Variants in EFEMP1 observed in about 807,000 individuals in gnomAD.
The protein encoded by EFEMP1 is EGF-like fibulin extracellular matrix protein 1.
A neutral mutation model predicts 65.7 loss-of-function variants in EFEMP1; 18 were observed. The observed-to-expected ratio is 0.27, with a 90% confidence interval of 0.19 to 0.41. The LOEUF (loss-of-function observed/expected upper bound fraction) is 0.41, where lower values mean the gene tolerates loss of function less well. Ranked by LOEUF, EFEMP1 falls within the 10% of genes least tolerant of loss-of-function variation. The pLI is 1.00. For synonymous variants in EFEMP1, 237 were observed against 219.7 expected, an observed-to-expected ratio of 1.08 and a Z score of -0.70; for missense variants, 469 against 624.8, an observed-to-expected ratio of 0.75 and a Z score of 2.66.
intron 5 of EFEMP1, among the ~76,000 whole-genome samples, chr2:55,913,514 T>A (rs1267413661): frequency 6.6e-6 from 1 of 152,176 alleles, no homozygotes; most frequent in Non-Finnish European, 1.5e-5. Context: ...AAATGCCATG[T>A]GTTTTAATTT....
intron 4 of EFEMP1, 42 bp from the exon 5 acceptor site, chr2:55,918,093 G>A (rs751784953): frequency 6.2e-7 from 1 of 1,613,956 alleles, no homozygotes; most frequent in African/African-American, 1.3e-5. Context: ...TTCTAAGAGG[G>A]AAAAATCAAA....
At chr2:55,912,467 C>T (rs544386766) in intron 5 of EFEMP1, among the ~76,000 whole-genome samples, 1 of 152,068 alleles carries the variant, frequency 6.6e-6, no homozygotes, top group Non-Finnish European at 1.5e-5. Flanking sequence ...GAAAGATATC[C>T]CTAGCATCTG....
At position 55,922,860 on chromosome 2, in the gene EFEMP1, C is replaced by T. The variant is rs1670953725; in HGVS notation, c.-8+39G>A. ...GGGATGGAGGTGGGGCTGCAAAACT[C>T]TGTTCTCTAGAACGTTAAGGCTTTC... On this transcript the variant is annotated intron_variant, in intron 2 of 11. Transcript: ENST00000355426. This position sits in a 1 kb window ranked among gnomAD's most constrained non-coding sequence, Gnocchi z 5.5. 1 of 1,160,078 alleles carries T rather than the reference C, an allele frequency of 8.6e-7. No individual in the cohort carries two copies. Among genetic ancestry groups the T allele is most frequent in the Admixed American group, 4.0e-5 (1 of 25,250 alleles). 71.9% of individuals were successfully genotyped at this position (1,160,078 alleles called of 1,614,324 possible). A position where few individuals can be genotyped will look rare whatever the true frequency, so the allele number is the denominator to read the frequency against.
Position 55,917,260 on chromosome 2 carries a change from G to A in EFEMP1, c.517+405C>T, listed in dbSNP as rs568973173. Among the ~76,000 whole-genome samples the A allele has an allele frequency of 2.0e-5, 3 of 152,270 alleles. No homozygotes were observed. The South Asian group carries it at 6.2e-4, about 32-fold the overall frequency. On this transcript the variant is annotated intron_variant, in intron 5 of 11. Coordinates refer to ENST00000355426, the MANE Select transcript of EFEMP1 (RefSeq NM_001039348.3). The surrounding 1 kb of genome is among the most constrained non-coding windows in gnomAD (Gnocchi z 6.3). Reference sequence around the variant, plus strand: ...CTTCCTGGGTTGGAAGGTCAGCTCTGCACTTAGCACCTGTGTGACCTCTGG... The same window carrying A: ...CTTCCTGGGTTGGAAGGTCAGCTCTACACTTAGCACCTGTGTGACCTCTGG...
intron 3 of EFEMP1, among the ~76,000 whole-genome samples, chr2:55,920,240 G>A (rs1168693960): frequency 6.6e-6 from 1 of 152,232 alleles, no homozygotes; most frequent in East Asian, 1.9e-4. Flanking sequence ...CCAGCACAGA[G>A]TTCTGTCTCC....
At chr2:55,914,473 T>C (rs1307554960) in intron 5 of EFEMP1, among the ~76,000 whole-genome samples, 5 of 152,226 alleles carry the variant, frequency 3.3e-5, no homozygotes. Context: ...TTAAAGGATA[T>C]ATTTATAAAA....
chr2:55,920,627 T>C (rs1558492103), intron 3 of EFEMP1, among the ~76,000 whole-genome samples: 4 of 152,224 alleles, frequency 2.6e-5, no homozygotes, highest in Admixed American at 6.5e-5. Context: ...ACTTGCAATT[T>C]GTTTTAGGTA....
intron 5 of EFEMP1, among the ~76,000 whole-genome samples, chr2:55,891,123 A>G (rs984901080): frequency 2.6e-5 from 4 of 152,088 alleles, no homozygotes; most frequent in African/African-American, 4.8e-5. Context: ...GATCTTGACC[A>G]TGTATTTCCA....
At position 55,870,637 on chromosome 2, in the gene EFEMP1, A is replaced by T; in HGVS notation, c.1320+83T>A. 1 of 1,535,836 alleles carries T rather than the reference A, an allele frequency of 6.5e-7. No homozygotes were observed. The highest frequency in any genetic ancestry group is 9.0e-7 in the Non-Finnish European group (1 of 1,115,086). On this transcript the variant is annotated intron_variant, in intron 11 of 11. Transcript: ENST00000355426. The surrounding 1 kb of genome is among the most constrained non-coding windows in gnomAD (Gnocchi z 5.8). ...ATGTTTGCTTTCCTTCCACATGTGG[A>T]TACCACACAACAACAACAACAACAA... is the stretch of plus-strand genomic sequence containing the variant.
At chr2:55,887,330 T>A (rs1436448195) in intron 5 of EFEMP1, among the ~76,000 whole-genome samples, 1 of 152,216 alleles carries the variant, frequency 6.6e-6, no homozygotes, top group African/African-American at 2.4e-5. Flanking sequence ...TAATTTTTTT[T>A]AGCCTTAAAG....
chr2:55,887,088 T>C (rs563653812), intron 5 of EFEMP1, among the ~76,000 whole-genome samples: 157 of 152,280 alleles, frequency 1.0e-3, no homozygotes, highest in African/African-American at 3.7e-3. Context: ...AAGCTTCTTA[T>C]TTAATCCTAA....
chr2:55,866,967 G>T lies in EFEMP1; in HGVS notation c.*106C>A, dbSNP rs1668599402. 1.0e-5 allele frequency: 14 copies of T among 1,377,506 alleles called. No individual in the cohort carries two copies. Among genetic ancestry groups the T allele is most frequent in the Non-Finnish European group, 1.3e-5 (13 of 974,946 alleles). 85.3% of individuals were successfully genotyped at this position (1,377,506 alleles called of 1,614,324 possible). The stretch of plus-strand genomic sequence containing the variant: ...TGTTTGAATTATGGGTGAGTGTACA[G>T]TATAGAGATGTAGATGCACTAGATA... On this transcript the variant is annotated 3_prime_UTR_variant, in exon 12 of 12. Coordinates refer to ENST00000355426, the MANE Select transcript of EFEMP1 (RefSeq NM_001039348.3).
In EFEMP1 at chr2:55,898,884, T is replaced by A. The variant is rs534624399; in HGVS notation, c.518-17150A>T. Among the ~76,000 whole-genome samples, 5 of 152,216 alleles carry A rather than the reference T, an allele frequency of 3.3e-5. No homozygotes were observed. In the East Asian group the frequency reaches 7.8e-4, roughly 24 times the overall value. ...GTGGTGGTGAGGGCTGACGTCAGTA[T>A]GATTTATGGAAAAGGGAGTGAGTTT... On this transcript the variant is annotated intron_variant, in intron 5 of 11. Coordinates refer to ENST00000355426, the MANE Select transcript of EFEMP1 (RefSeq NM_001039348.3).
Position 55,870,577 on chromosome 2 carries a change from GGCCTTACACAAT to G in EFEMP1, c.1320+131_1320+142del. ...AATAAATGAAATAATGTAGCTGGAA[GGCCTTACACAAT>G]GCCTACACATAAGACACTTTAAATG... is the stretch of plus-strand genomic sequence containing the variant. On this transcript the variant is annotated intron_variant, in intron 11 of 11. Coordinates refer to ENST00000355426, the MANE Select transcript of EFEMP1 (RefSeq NM_001039348.3). The surrounding 1 kb of genome is among the most constrained non-coding windows in gnomAD (Gnocchi z 5.8). The G allele has an allele frequency of 1.1e-6, 1 of 873,514 alleles. No individual in the cohort carries two copies. The highest frequency in any genetic ancestry group is 1.4e-5 in the South Asian group (1 of 70,318). The allele number at this position is 873,514 out of a possible 1,614,324, so 54.1% of individuals were successfully genotyped here. A position where few individuals can be genotyped will look rare whatever the true frequency, so the allele number is the denominator to read the frequency against.
At chr2:55,881,396 C>T (rs182135506) in intron 6 of EFEMP1, among the ~76,000 whole-genome samples, 30 of 152,234 alleles carry the variant, frequency 2.0e-4, no homozygotes, top group Admixed American at 1.0e-3. Context: ...GCTCTTGCTT[C>T]GTCTAACATT....
At chr2:55,915,129 T>C (rs1341086288) in intron 5 of EFEMP1, among the ~76,000 whole-genome samples, 1 of 152,210 alleles carries the variant, frequency 6.6e-6, no homozygotes, top group Non-Finnish European at 1.5e-5. Context: ...TATGGGCACT[T>C]TGCAAAATTG....
chr2:55,923,774 C>G lies in EFEMP1; in HGVS notation c.-112G>C, dbSNP rs931995278. The G allele has an allele frequency of 1.0e-6, 1 of 986,106 alleles. No homozygotes were observed. The highest frequency in any genetic ancestry group is 1.2e-6 in the Non-Finnish European group (1 of 830,546). 61.1% of individuals were successfully genotyped at this position (986,106 alleles called of 1,614,324 possible). ...GGGAGTGCGCAGGGGAGGGCAGCCC[C>G]GTGGGTCTGATCTGGCGAAGTCCGG... On this transcript the variant is annotated 5_prime_UTR_variant, in exon 1 of 12. Transcript: ENST00000355426. This position sits in a 1 kb window ranked among gnomAD's most constrained non-coding sequence, Gnocchi z 5.3.
chr2:55,877,727 A>C lies in EFEMP1; in HGVS notation c.760+19T>G, dbSNP rs1214809280. The C allele has an allele frequency of 6.2e-7, 1 of 1,612,576 alleles. No individual in the cohort carries two copies. Among genetic ancestry groups the C allele is most frequent in the Non-Finnish European group, 8.5e-7 (1 of 1,178,994 alleles). On this transcript the variant is annotated intron_variant, in intron 7 of 11. Coordinates refer to ENST00000355426, the MANE Select transcript of EFEMP1 (RefSeq NM_001039348.3). This position sits in a 1 kb window ranked among gnomAD's most constrained non-coding sequence, Gnocchi z 4.5. Reference sequence around the variant, plus strand: ...TCCTTTTGTGAAGACAGAAATCAGCAAGTTCTCAAAAGGCTTACCTACGCA... The same window carrying C: ...TCCTTTTGTGAAGACAGAAATCAGCCAGTTCTCAAAAGGCTTACCTACGCA...
At position 55,912,455 on chromosome 2, in the gene EFEMP1, A is replaced by G. The variant is rs114009289; in HGVS notation, c.517+5210T>C. On this transcript the variant is annotated intron_variant, in intron 5 of 11. Coordinates refer to ENST00000355426, the MANE Select transcript of EFEMP1 (RefSeq NM_001039348.3). ...CTTAAGTTTAAAATGAAAGAAGTCA[A>G]AGAAAGATATCCCTAGCATCTGAGA... 4.2e-3 allele frequency among the ~76,000 whole-genome samples: 642 copies of G among 152,308 alleles called. 1 individual carries two copies. Among genetic ancestry groups the G allele is most frequent in the African/African-American group, 0.014 (590 of 41,566 alleles).
Sources: gnomAD v4.1 joint callset for allele counts (sites outside exome capture counted in the v4.1 genomes callset) on GRCh38, gnomAD v4.1.1 for gene constraint, Gnocchi (gnomAD v3.1) non-coding constraint, MANE v1.5 for transcripts, NCBI Gene and HGNC (gene_info 2026-07-23, HGNC 2026-07-21) for gene names.